AFAP1: variants seen among roughly 807,000 people sequenced by gnomAD.
AFAP1 encodes the protein actin filament-associated protein 1.
A neutral mutation model predicts 93.9 loss-of-function variants in AFAP1; 75 were observed. That is an observed-to-expected ratio of 0.80 (90% CI 0.66 to 0.97). The LOEUF (loss-of-function observed/expected upper bound fraction) is 0.97. Ranked by LOEUF, AFAP1 falls within the 50% of genes least tolerant of loss-of-function variation. The probability of loss-of-function intolerance (pLI) is 0.00; values close to 1 mark genes in which losing one functional copy is unlikely to be tolerated. For missense variants in AFAP1, 1,201 were observed against 1,050.8 expected (o/e 1.14, Z -1.98); for synonymous variants, 517 against 430.7 (o/e 1.20, Z -2.48).
intron 17 of AFAP1, among the ~76,000 whole-genome samples, chr4:7,768,593 G>A (rs1292159837): frequency 2.0e-5 from 3 of 152,200 alleles, no homozygotes; most frequent in Non-Finnish European, 4.4e-5. Flanking sequence ...TGACTCTGGA[G>A]CCAATTGTTG....
intron 3 of AFAP1, among the ~76,000 whole-genome samples, chr4:7,867,418 G>A (rs185113117): frequency 6.6e-6 from 1 of 152,174 alleles, no homozygotes; most frequent in Admixed American, 6.5e-5. Flanking sequence ...GAAGCAGGCG[G>A]CCTTCCTCCT....
intron 6 of AFAP1, among the ~76,000 whole-genome samples, chr4:7,826,753 C>A (rs4443284): frequency 0.21 from 31,667 of 152,140 alleles, 4,288 homozygotes; most frequent in Non-Finnish European, 0.31. Flanking sequence ...GCAGCCCCTC[C>A]CCACCTGCAG....
At chr4:7,934,316 T>C (rs555620586) in intron 1 of AFAP1, among the ~76,000 whole-genome samples, 1 of 152,336 alleles carries the variant, frequency 6.6e-6, no homozygotes, top group South Asian at 2.1e-4. Flanking sequence ...TCTGCTGCAC[T>C]GAAATGATGT....
chr4:7,763,530 T>C lies in AFAP1; in HGVS notation c.*235A>G. 1 of 554,488 alleles carries C rather than the reference T, an allele frequency of 1.8e-6. No homozygotes were observed. Among genetic ancestry groups the C allele is most frequent in the East Asian group, 3.0e-5 (1 of 33,722 alleles). The allele number at this position is 554,488 out of a possible 1,614,324, so 34.3% of individuals were successfully genotyped here. A position where few individuals can be genotyped will look rare whatever the true frequency, so the allele number is the denominator to read the frequency against. On this transcript the variant is annotated 3_prime_UTR_variant, in exon 18 of 18. Coordinates refer to ENST00000420658, the MANE Select transcript of AFAP1 (RefSeq NM_001134647.2). ...TTCAAACACCTTTCCATCACTTTTT[T>C]TGTTTTTTAACAAAGTTGGGAACCA...
intron 14 of AFAP1, chr4:7,778,476 G>C (rs1256194768): frequency 4.2e-6 from 2 of 480,690 alleles, no homozygotes; most frequent in Non-Finnish European, 7.6e-6. Context: ...AGGGCCACCC[G>C]GAGCTGCAAG....
chr4:7,841,347 G>T (rs1350978662), intron 5 of AFAP1, among the ~76,000 whole-genome samples: 1 of 152,192 alleles, frequency 6.6e-6, no homozygotes, highest in Non-Finnish European at 1.5e-5. Context: ...GCTCTGCCTT[G>T]GGCTCTAGGC....
intron 1 of AFAP1, among the ~76,000 whole-genome samples, chr4:7,906,036 T>TACCTCA (rs2149221244): frequency 6.6e-6 from 1 of 152,306 alleles, no homozygotes; most frequent in East Asian, 1.9e-4. Flanking sequence ...GAGGACAAGA[T>TACCTCA]ACCTCAATGC....
At chr4:7,915,029 C>A (rs1720005589) in intron 1 of AFAP1, among the ~76,000 whole-genome samples, 1 of 152,098 alleles carries the variant, frequency 6.6e-6, no homozygotes, top group Admixed American at 6.5e-5. Flanking sequence ...GGATTACAGG[C>A]GTGATCCACC....
intron 14 of AFAP1, chr4:7,777,226 G>A (rs1169815545): frequency 6.6e-6 from 1 of 152,176 alleles, no homozygotes; most frequent in Non-Finnish European, 1.5e-5. Context: ...AAATACACCT[G>A]ATACATTCAG....
At chr4:7,866,334 T>C (rs373065115) in intron 3 of AFAP1, among the ~76,000 whole-genome samples, 2 of 152,292 alleles carry the variant, frequency 1.3e-5, no homozygotes, top group East Asian at 3.9e-4. Flanking sequence ...GTAGCTGGAC[T>C]ACAGCTGCAC....
intron 1 of AFAP1, among the ~76,000 whole-genome samples, chr4:7,924,845 G>A (rs1240187803): frequency 4.0e-5 from 6 of 151,836 alleles, no homozygotes; most frequent in Admixed American, 3.9e-4. Context: ...TCTGTCCCAC[G>A]TGGCCAGGAC....
chr4:7,877,037 C>G (rs1717551363), intron 1 of AFAP1, among the ~76,000 whole-genome samples: 1 of 152,172 alleles, frequency 6.6e-6, no homozygotes, highest in African/African-American at 2.4e-5. Flanking sequence ...TCCCTAATTA[C>G]CAAAATCCAT....
Position 7,781,720 on chromosome 4 carries a change from T to TTA in AFAP1, c.1531-95_1531-94dup, listed in dbSNP as rs552195542. 2.4e-3 allele frequency: 3,569 copies of TTA among 1,475,412 alleles called. 82 individuals are homozygous for TTA. The highest frequency in any genetic ancestry group is 4.0e-3 in the East Asian group (162 of 40,330). 91.4% of individuals were successfully genotyped at this position (1,475,412 alleles called of 1,614,324 possible). A position where few individuals can be genotyped will look rare whatever the true frequency, so the allele number is the denominator to read the frequency against. On this transcript the variant is annotated intron_variant, in intron 12 of 17. Coordinates refer to ENST00000420658, the MANE Select transcript of AFAP1 (RefSeq NM_001134647.2). Reference sequence around the variant, plus strand: ...ATGTCATTTATTAATAGTACGGCATTTAGCATACATTGGCACCCCAACACT... The same window carrying TTA: ...ATGTCATTTATTAATAGTACGGCATTTATAGCATACATTGGCACCCCAACACT...
chr4:7,932,676 T>C (rs928592979), intron 1 of AFAP1, among the ~76,000 whole-genome samples: 2 of 152,188 alleles, frequency 1.3e-5, no homozygotes, highest in Non-Finnish European at 2.9e-5. Flanking sequence ...CTGTCTCCAC[T>C]GCTATAAACC....
At chr4:7,809,433 T>C (rs1719817408) in intron 9 of AFAP1, 181 bp downstream of exon 9, 1 of 649,454 alleles carries the variant, frequency 1.5e-6, no homozygotes, top group Non-Finnish European at 2.3e-6. Flanking sequence ...CAAAGTCTTG[T>C]ATGAATAAGA....
intron 3 of AFAP1, among the ~76,000 whole-genome samples, chr4:7,860,281 A>G (rs981943208): frequency 2.7e-5 from 4 of 149,860 alleles, no homozygotes; most frequent in Non-Finnish European, 4.4e-5. Context: ...GTGTGTGTGT[A>G]TATGTGTGAC....
At chr4:7,909,631 A>T (rs913231597) in intron 1 of AFAP1, among the ~76,000 whole-genome samples, 1 of 152,152 alleles carries the variant, frequency 6.6e-6, no homozygotes, top group Non-Finnish European at 1.5e-5. Flanking sequence ...CATTTTTTTC[A>T]TGGTTCCAAA....
chr4:7,775,076 G>A (rs1715962867), intron 14 of AFAP1, 173 bp from the exon 15 acceptor site: 6 of 731,496 alleles, frequency 8.2e-6, no homozygotes, highest in Admixed American at 3.0e-5. Context: ...GGGAGCTTGA[G>A]GCTGCAGTGA....
At chr4:7,842,105 T>A (rs1713088153) in intron 5 of AFAP1, among the ~76,000 whole-genome samples, 1 of 152,170 alleles carries the variant, frequency 6.6e-6, no homozygotes. Flanking sequence ...AATCTTCTTT[T>A]TTTCATTTTT....
Sources: allele counts gnomAD v4.1 joint callset (sites outside exome capture counted in the v4.1 genomes callset), GRCh38; gene constraint gnomAD v4.1.1; transcripts MANE v1.5; gene names NCBI Gene and HGNC (gene_info 2026-07-23, HGNC 2026-07-21).